ASTN2: variants seen among roughly 807,000 people sequenced by gnomAD.
ASTN2 encodes the protein astrotactin-2.
In ASTN2, 54 loss-of-function variants were observed where a neutral mutation model predicts 139.8. The ratio of observed to expected loss-of-function variants is 0.39; its 90% CI spans 0.31 to 0.48. The LOEUF (loss-of-function observed/expected upper bound fraction) is 0.48, where lower values mean the gene tolerates loss of function less well. Among genes scored for constraint, ASTN2 ranks in the 20% least tolerant of loss-of-function variants. ASTN2 has a pLI of 0.95. For synonymous variants in ASTN2, 756 were observed against 719.5 expected (o/e 1.05, Z -0.81); for missense variants, 1,565 against 1,725.1 (o/e 0.91, Z 1.64).
chr9:116,441,220 G>A (rs1024456807), intron 21 of ASTN2, among the ~76,000 whole-genome samples: 5 of 151,860 alleles, frequency 3.3e-5, no homozygotes, highest in African/African-American at 9.7e-5. Context: ...GATCAGGTCT[G>A]ATAGGTCCCC....
chr9:116,884,253 A>G (rs930131141), intron 10 of ASTN2, among the ~76,000 whole-genome samples: 1 of 152,102 alleles, frequency 6.6e-6, no homozygotes, highest in African/African-American at 2.4e-5. Flanking sequence ...ACACAGGAGA[A>G]AGCCATGGGA....
intron 8 of ASTN2, 46 bp downstream of exon 8, chr9:116,976,655 A>G (rs1181499151): frequency 6.5e-7 from 1 of 1,547,448 alleles, no homozygotes; most frequent in Non-Finnish European, 8.9e-7. Context: ...GAGGAGGTAA[A>G]AGTGGGTCCT....
chr9:116,684,219 A>C (rs956970590), intron 16 of ASTN2, among the ~76,000 whole-genome samples: 1 of 152,232 alleles, frequency 6.6e-6, no homozygotes, highest in African/African-American at 2.4e-5. Context: ...TAATTTAAAC[A>C]AAAAAGACCC....
chr9:116,774,720 C>T (rs934144171), intron 13 of ASTN2, among the ~76,000 whole-genome samples: 1 of 151,954 alleles, frequency 6.6e-6, no homozygotes. Flanking sequence ...AGGCTAGAAG[C>T]TTGTTCATAT....
chr9:116,624,670 T>TA (rs774636406), intron 17 of ASTN2, among the ~76,000 whole-genome samples: 22 of 152,306 alleles, frequency 1.4e-4, no homozygotes, highest in Non-Finnish European at 3.2e-4. Flanking sequence ...ATTTTTACAC[T>TA]AAAAAATATT....
At chr9:117,392,296 T>A (rs1386847562) in intron 1 of ASTN2, among the ~76,000 whole-genome samples, 2 of 152,166 alleles carry the variant, frequency 1.3e-5, no homozygotes, top group African/African-American at 4.8e-5. Flanking sequence ...TAAGCTTTGA[T>A]CATAGGTTAA....
chr9:116,695,358 T>A lies in ASTN2; in HGVS notation c.2806+30413A>T, dbSNP rs3789308. The stretch of plus-strand genomic sequence containing the variant: ...TATAATAGGCACTAGATGCATAGTT[T>A]CCCTTGCAGTACAAAGGAAGTGGGA... On this transcript the variant is annotated intron_variant, in intron 16 of 22. Coordinates refer to ENST00000313400, the MANE Select transcript of ASTN2 (RefSeq NM_001365068.1). Among the ~76,000 whole-genome samples the A allele has an allele frequency of 0.019, 2,899 of 152,312 alleles. 396 individuals carry two copies. The South Asian group carries it at 0.29, about 15-fold the overall frequency.
chr9:116,906,666 C>T (rs942793593), intron 10 of ASTN2, among the ~76,000 whole-genome samples: 25 of 151,156 alleles, frequency 1.7e-4, no homozygotes, highest in Admixed American at 3.3e-4. Context: ...GCTTCTGGAC[C>T]TTGTTTTTGT....
intron 3 of ASTN2, among the ~76,000 whole-genome samples, chr9:117,194,833 G>T (rs1427925992): frequency 6.6e-6 from 1 of 152,160 alleles, no homozygotes; most frequent in African/African-American, 2.4e-5. Flanking sequence ...TTATGAGATA[G>T]ATGCAAAGAT....
rs1037182570 is a variant in ASTN2, at chr9:116,894,327, T to G, written c.1890-30594A>C. 2.0e-5 allele frequency among the ~76,000 whole-genome samples: 3 copies of G among 152,060 alleles called. No individual in the cohort carries two copies. In the East Asian group the frequency reaches 5.8e-4, roughly 29 times the overall value. ...TTGTAAGTACCTATTTAAAAAAAAGTCAATGACTCCATTACAATTTAAAAG... is the reference window on the plus strand; with the variant it reads ...TTGTAAGTACCTATTTAAAAAAAAGGCAATGACTCCATTACAATTTAAAAG... On this transcript the variant is annotated intron_variant, in intron 10 of 22. Transcript: ENST00000313400.
chr9:116,838,119 T>G (rs570701691), intron 11 of ASTN2, among the ~76,000 whole-genome samples: 7,133 of 146,548 alleles, frequency 0.049, 702 homozygotes, highest in African/African-American at 0.16. Flanking sequence ...TTGTTTTGTT[T>G]TGTTTTTTGA....
intron 3 of ASTN2, among the ~76,000 whole-genome samples, chr9:117,206,314 A>G (rs1225235983): frequency 6.6e-6 from 1 of 152,160 alleles, no homozygotes; most frequent in Non-Finnish European, 1.5e-5. Context: ...TGGGGAAAAG[A>G]TAAGCAGAAG....
At chr9:116,794,253 C>T (rs1830631685) in intron 13 of ASTN2, among the ~76,000 whole-genome samples, 1 of 151,956 alleles carries the variant, frequency 6.6e-6, no homozygotes. Flanking sequence ...CAGGCGCCAC[C>T]AAGCCCGGCT....
chr9:117,259,121 T>C (rs1175766827), intron 2 of ASTN2, among the ~76,000 whole-genome samples: 3 of 152,126 alleles, frequency 2.0e-5, no homozygotes, highest in South Asian at 4.1e-4. Flanking sequence ...CTTCTTTGGA[T>C]GAAATTGTCC....
chr9:117,334,648 C>T (rs1377981264), intron 1 of ASTN2, among the ~76,000 whole-genome samples: 1 of 152,148 alleles, frequency 6.6e-6, no homozygotes, highest in African/African-American at 2.4e-5. Flanking sequence ...ATAGTCCTCA[C>T]TCCCTCTTCT....
At chr9:117,016,624 CTATATATATA>C (rs1175306157) in intron 6 of ASTN2, among the ~76,000 whole-genome samples, 762 of 19,996 alleles carry the variant, frequency 0.038, 70 homozygotes, top group East Asian at 0.11. Context: ...ATCTATCTAT[CTATATATATA>C]TATATATATA....
chr9:116,991,510 T>C (rs1301663962), intron 7 of ASTN2, among the ~76,000 whole-genome samples: 1 of 151,322 alleles, frequency 6.6e-6, no homozygotes, highest in Non-Finnish European at 1.5e-5. Context: ...ATCTTTTCCA[T>C]ATAATGTAGC....
In ASTN2 at chr9:116,442,472, T is replaced by C. The variant is rs747934656; in HGVS notation, c.3579A>G (p.Val1193=). Residue 1193 remains valine, a synonymous_variant, in exon 21 of 23, where the codon GTA becomes GTG. Transcript: ENST00000313400. ...ACCTACCTTCTGCCTTGTTGTCATC[T>C]ACCAGTGGACAGGCCGTCCTCAGGG... ...TVTLRTACPL[V]DDNKAEEIAD... 2 of 1,614,110 alleles carry C rather than the reference T, an allele frequency of 1.2e-6. No individual in the cohort carries two copies. The highest frequency in any genetic ancestry group is 2.2e-5 in the East Asian group (1 of 44,876).
At chr9:117,310,610 G>A (rs1228860474) in intron 1 of ASTN2, among the ~76,000 whole-genome samples, 1 of 152,024 alleles carries the variant, frequency 6.6e-6, no homozygotes, top group Non-Finnish European at 1.5e-5. Context: ...ATAATTCCTG[G>A]GCACGGTTTT....
Sources: gnomAD v4.1 joint callset for allele counts (sites outside exome capture counted in the v4.1 genomes callset) on GRCh38, gnomAD v4.1.1 for gene constraint, MANE v1.5 for transcripts, NCBI Gene and HGNC (gene_info 2026-07-23, HGNC 2026-07-21) for gene names.